Variants in COL6A1 observed in about 807,000 individuals in gnomAD.
The protein encoded by COL6A1 is collagen alpha-1(VI) chain.
A neutral mutation model predicts 145.6 loss-of-function variants in COL6A1; 80 were observed. The observed-to-expected ratio is 0.55, with a 90% CI of 0.46 to 0.66. COL6A1 has a LOEUF of 0.66. Ranked by LOEUF, COL6A1 falls within the 30% of genes least tolerant of loss-of-function variation. The pLI, the probability that COL6A1 is intolerant of heterozygous loss-of-function variation, is 0.00. For missense variants in COL6A1, 1,364 were observed against 1,473.8 expected (o/e 0.93, Z 1.22); for synonymous variants, 638 against 622.8 (o/e 1.02, Z -0.36).
chr21:45,986,205 G>A lies in COL6A1; in HGVS notation c.429-321G>A, dbSNP rs73374779. On this transcript the variant is annotated intron_variant, in intron 3 of 34. Transcript: ENST00000361866. ...CGCGGCGGGCATCTCGGAGGGGCAC[G>A]CTCCCTGCCACCCTCAGCCTCCACT... is the stretch of plus-strand genomic sequence containing the variant. 9.1e-3 allele frequency among the ~76,000 whole-genome samples: 1,385 copies of A among 152,280 alleles called. 27 individuals are homozygous for A. The highest frequency in any genetic ancestry group is 0.032 in the African/African-American group (1,321 of 41,556).
rs866772411 is a variant in COL6A1, at chr21:45,984,531, G to C, written c.428+62G>C. 1.6e-5 allele frequency: 24 copies of C among 1,543,702 alleles called. No homozygotes were observed. In the Middle Eastern group the frequency reaches 2.5e-3, roughly 162 times the overall value. The stretch of plus-strand genomic sequence containing the variant: ...CACGCGTGGTACCCAGCCTGGGCTG[G>C]GGTTGGCCTGGGGTCCCTGTGCGGC... On this transcript the variant is annotated intron_variant, in intron 3 of 34. Transcript: ENST00000361866.
In COL6A1 at chr21:46,001,370, G is replaced by A. The variant is rs764762208; in HGVS notation, c.1940G>A (p.Arg647Gln). 138 of 1,611,556 alleles carry A rather than the reference G, an allele frequency of 8.6e-5. No individual in the cohort carries two copies. Among genetic ancestry groups the A allele is most frequent in the African/African-American group, 2.1e-4 (16 of 74,922 alleles). ...GTCAAGGTCATCGACCGGCTGAGCC[G>A]GGACGAGCTGGTCAAGGTGAGGCCT... is the stretch of plus-strand genomic sequence containing the variant. ...FVVKVIDRLS[R>Q]DELVKFEPGQ... Residue 647 changes from arginine (R) to glutamine (Q), a missense_variant, in exon 30 of 35, where the codon CGG (arginine) becomes CAG (glutamine). Around this residue, in one of 3 missense-constraint regions of COL6A1, gnomAD observed 938 missense variants for 1,003.8 expected, o/e 0.93. Transcript: ENST00000361866.
At position 46,003,463 on chromosome 21, in the gene COL6A1, ACAC is replaced by A. The variant is rs1346625459; in HGVS notation, c.2543_2545del (p.Thr848del). On this transcript the variant is annotated inframe_deletion, in exon 35 of 35. Coordinates refer to ENST00000361866, the MANE Select transcript of COL6A1 (RefSeq NM_001848.3). ...GCCAGCGTGGGCAGCCACAACTTTGACACCACCAAGCGCTTCGCCAAGCGCCTG... is the reference window on the plus strand; with the variant it reads ...GCCAGCGTGGGCAGCCACAACTTTGACACCAAGCGCTTCGCCAAGCGCCTG... The A allele has an allele frequency of 6.2e-7, 1 of 1,607,800 alleles. No individual in the cohort carries two copies. Among genetic ancestry groups the A allele is most frequent in the Admixed American group, 1.7e-5 (1 of 59,974 alleles).
Position 46,001,654 on chromosome 21 carries a change from G to C in COL6A1, c.1956+268G>C, listed in dbSNP as rs553568057. Among the ~76,000 whole-genome samples the C allele has an allele frequency of 1.1e-4, 17 of 152,336 alleles. No individual in the cohort carries two copies. In the South Asian group the frequency reaches 3.5e-3, roughly 32 times the overall value. ...GGTAGTCTGGGGTCCTGAGTGCTGGGTGTGGGCTTGTCCCTCGTGGACAGA... is the reference window on the plus strand; with the variant it reads ...GGTAGTCTGGGGTCCTGAGTGCTGGCTGTGGGCTTGTCCCTCGTGGACAGA... On this transcript the variant is annotated intron_variant, in intron 30 of 34. Coordinates refer to ENST00000361866, the MANE Select transcript of COL6A1 (RefSeq NM_001848.3).
chr21:46,004,056 C>A lies in COL6A1; in HGVS notation c.*43C>A, dbSNP rs904687489. 1.9e-6 allele frequency: 3 copies of A among 1,610,112 alleles called. No homozygotes were observed. The highest frequency in any genetic ancestry group is 2.5e-6 in the Non-Finnish European group (3 of 1,178,098). On this transcript the variant is annotated 3_prime_UTR_variant, in exon 35 of 35. Transcript: ENST00000361866. ...CACCAAACCCTGTCCTCCCACCCCT[C>A]CCCACTCATCACTAAACAGAGTAAA...
In COL6A1 at chr21:45,987,490, C is replaced by T. The variant is rs886057149; in HGVS notation, c.739-9C>T. On this transcript the variant is annotated splice_polypyrimidine_tract_variant and intron_variant, in intron 6 of 34. Coordinates refer to ENST00000361866, the MANE Select transcript of COL6A1 (RefSeq NM_001848.3). ...CCCACTGACTCGTCTCCATGCTTTC[C>T]CCCCACAGTGCTGCTCCTTCGAATG... 11 of 1,612,966 alleles carry T rather than the reference C, an allele frequency of 6.8e-6. No homozygotes were observed. The highest frequency in any genetic ancestry group is 4.5e-5 in the East Asian group (2 of 44,888).
At position 46,004,465 on chromosome 21, in the gene COL6A1, G is replaced by T; in HGVS notation, c.*452G>T. ...AGCCTGAGCAAGACGCCCTCTCGGG[G>T]CCTGTGCCGCACTAGCCTCCCTCTC... On this transcript the variant is annotated 3_prime_UTR_variant, in exon 35 of 35. Coordinates refer to ENST00000361866, the MANE Select transcript of COL6A1 (RefSeq NM_001848.3). 3.2e-6 allele frequency: 1 copy of T among 315,874 alleles called. No homozygotes were observed. The highest frequency in any genetic ancestry group is 6.3e-6 in the Non-Finnish European group (1 of 158,916). The allele number at this position is 315,874 out of a possible 1,614,324, so 19.6% of individuals were successfully genotyped here.
Position 46,003,683 on chromosome 21 carries a change from C to T in COL6A1, c.2757C>T (p.Ala919=). 6.2e-7 allele frequency: 1 copy of T among 1,613,102 alleles called. No individual in the cohort carries two copies. Among genetic ancestry groups the T allele is most frequent in the South Asian group, 1.1e-5 (1 of 91,092 alleles). Reference sequence around the variant, plus strand: ...ACGACGCCACCGACGTCAACGATGCCCTGGGCTATGTGACCCGCTTCTACC... The same window carrying T: ...ACGACGCCACCGACGTCAACGATGCTCTGGGCTATGTGACCCGCTTCTACC... ...FINDATDVND[A]LGYVTRFYRE... Residue 919 remains alanine (A), a synonymous_variant, in exon 35 of 35, where the codon GCC becomes GCT. Transcript: ENST00000361866.
At position 45,990,237 on chromosome 21, in the gene COL6A1, AC is replaced by A. The variant is rs2077766723; in HGVS notation, c.931-18del. 6 of 1,610,270 alleles carry A rather than the reference AC, an allele frequency of 3.7e-6. No individual in the cohort carries two copies. The highest frequency in any genetic ancestry group is 5.1e-6 in the Non-Finnish European group (6 of 1,179,162). ...CTCCCCACCCCAAATACCCCCTCAC[AC>A]CCGCTTCCTGTCTCCGCAGGGCTCC... On this transcript the variant is annotated intron_variant, in intron 11 of 34. Coordinates refer to ENST00000361866, the MANE Select transcript of COL6A1 (RefSeq NM_001848.3).
chr21:45,999,946 T>TGTGAGGATCATAGGGGAGACCC, intron 27 of COL6A1, among the ~76,000 whole-genome samples: 1 of 1,200 alleles, frequency 8.3e-4, no homozygotes, highest in South Asian at 0.028. Flanking sequence ...GGGGGGGACG[T>TGTGAGGATCATAGGGGAGACCC]GTGAGGATCA....
chr21:45,991,448 G>A (rs906060160), intron 15 of COL6A1, among the ~76,000 whole-genome samples: 1 of 150,066 alleles, frequency 6.7e-6, no homozygotes, highest in African/African-American at 2.4e-5. Context: ...GCGGGGGCGG[G>A]AGGAGGGTGG....
intron 3 of COL6A1, among the ~76,000 whole-genome samples, chr21:45,985,403 C>A (rs2050886689): frequency 6.6e-6 from 1 of 151,606 alleles, no homozygotes; most frequent in Non-Finnish European, 1.5e-5. Context: ...GAGACAGGGA[C>A]AGACAGAGAC....
chr21:45,984,606 C>A, intron 3 of COL6A1, 137 bp downstream of exon 3: 1 of 779,176 alleles, frequency 1.3e-6, no homozygotes, highest in Non-Finnish European at 2.2e-6. Context: ...CCTCCCTGAC[C>A]CACTTTGTGG....
intron 14 of COL6A1, 54 bp from the exon 15 acceptor site, chr21:45,990,925 C>G (rs1004260453): frequency 3.7e-5 from 59 of 1,609,316 alleles, no homozygotes; most frequent in Non-Finnish European, 4.9e-5. Flanking sequence ...GGGGCTGCTG[C>G]CAGAGGCCGC....
chr21:46,002,480 C>A, intron 32 of COL6A1, 47 bp from the exon 33 acceptor site: 1 of 1,613,278 alleles, frequency 6.2e-7, no homozygotes, highest in Middle Eastern at 1.6e-4. Flanking sequence ...CCCAGAAAGA[C>A]GAGGGCAGAG....
At chr21:45,987,834 TGGCGGG>T in intron 8 of COL6A1, among the ~76,000 whole-genome samples, 180 bp downstream of exon 8, 1 of 2,648 alleles carries the variant, frequency 3.8e-4, no homozygotes, top group East Asian at 0.018. Context: ...ATGGAGGGGA[TGGCGGG>T]GTCCAGATGG....
At chr21:45,990,691 G>A (rs1603591010) in intron 13 of COL6A1, 82 bp from the exon 14 acceptor site, 4 of 1,291,030 alleles carry the variant, frequency 3.1e-6, no homozygotes, top group Non-Finnish European at 4.5e-6. Context: ...TGGAGGGCAT[G>A]GAGGGCACCA....
In COL6A1 at chr21:45,994,379, C is replaced by A. The variant is rs564762675; in HGVS notation, c.1398+150C>A. 1.3e-4 allele frequency: 106 copies of A among 837,006 alleles called. No individual in the cohort carries two copies. In the African/African-American group the frequency reaches 1.6e-3, roughly 13 times the overall value. 51.8% of individuals were successfully genotyped at this position (837,006 alleles called of 1,614,324 possible). A position where few individuals can be genotyped will look rare whatever the true frequency, so the allele number is the denominator to read the frequency against. ...CTCGGGGGTGTCCCTGCGTGGGAGC[C>A]GGCTGCAGGGGGTGAGGCGCGGCCT... On this transcript the variant is annotated intron_variant, in intron 20 of 34. Transcript: ENST00000361866. The surrounding 1 kb of genome is among the most constrained non-coding windows in gnomAD (Gnocchi z 6.8).
rs541674672 is a variant in COL6A1 at position 45,991,329 on chromosome 21, G to A, written c.1119+288G>A. Among the ~76,000 whole-genome samples the A allele has an allele frequency of 5.3e-5, 8 of 152,358 alleles. No individual in the cohort carries two copies. In the South Asian group the frequency reaches 1.7e-3, roughly 32 times the overall value. The stretch of plus-strand genomic sequence containing the variant: ...ACCTGCCGCTCGCTCGGCACAGATG[G>A]GACCCCACCGCGTCACTCCTAGCCT... On this transcript the variant is annotated intron_variant, in intron 15 of 34. Transcript: ENST00000361866.
Sources: gnomAD v4.1 joint callset for allele counts (sites outside exome capture counted in the v4.1 genomes callset) on GRCh38, gnomAD v4.1.1 for gene constraint, gnomAD v4.1.1 regional missense constraint, Gnocchi (gnomAD v3.1) non-coding constraint, MANE v1.5 for transcripts, NCBI Gene and HGNC (gene_info 2026-07-23, HGNC 2026-07-21) for gene names.